The following PAH variants were observed in gnomAD, a reference collection of about 807,000 sequenced individuals.
The protein encoded by PAH is phenylalanine hydroxylase.
In PAH, 64 loss-of-function variants were observed where a neutral mutation model predicts 62.0. That is an observed-to-expected ratio of 1.03 (90% CI 0.84 to 1.27). The LOEUF (loss-of-function observed/expected upper bound fraction) is 1.27. PAH is among the 50% of genes most tolerant of loss of function. PAH has a pLI of 0.00. For missense variants in PAH, 579 were observed against 542.8 expected, an observed-to-expected ratio of 1.07 and a Z score of -0.66; for synonymous variants, 195 against 196.2, an observed-to-expected ratio of 0.99 and a Z score of 0.05.
chr12:102,859,627 G>C (rs1276524503), intron 5 of PAH, among the ~76,000 whole-genome samples: 1 of 152,148 alleles, frequency 6.6e-6, no homozygotes, highest in African/African-American at 2.4e-5. Flanking sequence ...TATCCACCAC[G>C]ATCAAGTGGG....
intron 2 of PAH, among the ~76,000 whole-genome samples, chr12:102,899,641 C>T (rs1445866563): frequency 6.6e-6 from 1 of 151,274 alleles, no homozygotes; most frequent in Non-Finnish European, 1.5e-5. Flanking sequence ...GGGCGGATCA[C>T]GAGGTCAGGA....
chr12:102,856,824 C>T (rs1015978356), intron 5 of PAH, among the ~76,000 whole-genome samples: 3 of 152,154 alleles, frequency 2.0e-5, no homozygotes, highest in African/African-American at 7.2e-5. Flanking sequence ...ACACCAAAAC[C>T]CCATCTGTGT....
chr12:102,884,597 G>A (rs994865343), intron 3 of PAH, among the ~76,000 whole-genome samples: 1 of 152,140 alleles, frequency 6.6e-6, no homozygotes, highest in African/African-American at 2.4e-5. Context: ...CTCCTTCTTT[G>A]GGGTGGGAAG....
chr12:102,912,801 C>T lies in PAH; in HGVS notation c.158G>A (p.Arg53His), dbSNP rs118092776. The T allele has an allele frequency of 1.6e-3, 2,510 of 1,608,812 alleles. 31 individuals are homozygous for T. The East Asian group carries it at 0.031, about 20-fold the overall frequency. ...GATTGTAGCACTGACCTCAAATAAG[C>T]GCAATACTTTGGCCAATGCACCAAC... ...EEVGALAKVLRLFEENDVNLT... is the reference protein window; with the variant it reads ...EEVGALAKVLHLFEENDVNLT... The change falls in exon 2 of 13, where the codon CGC (arginine) becomes CAC (histidine). Residue 53 changes from arginine (R) to histidine (H), a missense_variant. By Grantham distance (29) the Arg-to-His change is conservative. Transcript: ENST00000553106.
rs145724671 is a variant in PAH at position 102,900,987 on chromosome 12, T to G, written c.169-6069A>C. ...CATAAAAGATGGCAGCATAAAACCT[T>G]GCTAATCAGGATTCAAACAGAAGAT... On this transcript the variant is annotated intron_variant, in intron 2 of 12. Coordinates refer to ENST00000553106, the MANE Select transcript of PAH (RefSeq NM_000277.3). Among the ~76,000 whole-genome samples the G allele has an allele frequency of 5.3e-5, 8 of 152,308 alleles. No individual in the cohort carries two copies. The East Asian group carries it at 1.5e-3, about 29-fold the overall frequency.
chr12:102,918,462 T>TAAAA (rs1878468531), upstream of PAH, among the ~76,000 whole-genome samples: 7 of 151,484 alleles, frequency 4.6e-5, no homozygotes, highest in South Asian at 1.5e-3. Flanking sequence ...AATAAACAAA[T>TAAAA]AAATAAATAA....
intron 2 of PAH, among the ~76,000 whole-genome samples, chr12:102,901,272 T>C (rs1043270401): frequency 3.3e-5 from 5 of 152,230 alleles, no homozygotes; most frequent in Admixed American, 3.3e-4. Context: ...ATGTGGGCTA[T>C]CTGGGTTCAA....
chr12:102,847,367 A>G (rs781476707), intron 8 of PAH: 1 of 259,208 alleles, frequency 3.9e-6, no homozygotes, highest in Non-Finnish European at 7.6e-6. Context: ...AAGTGGTGAC[A>G]TCGGTCCAGG....
chr12:102,883,971 T>C (rs1291000320), intron 3 of PAH, among the ~76,000 whole-genome samples: 1 of 152,170 alleles, frequency 6.6e-6, no homozygotes, highest in African/African-American at 2.4e-5. Context: ...GTATGAAGAG[T>C]TCTTAGAATG....
intron 11 of PAH, among the ~76,000 whole-genome samples, chr12:102,842,885 T>A (rs1874651759): frequency 1.3e-5 from 2 of 152,300 alleles, no homozygotes; most frequent in South Asian, 4.1e-4. Context: ...CTGATAAGAT[T>A]TTTTTAAGTG....
intron 3 of PAH, among the ~76,000 whole-genome samples, chr12:102,884,293 G>A (rs1432029074): frequency 6.6e-6 from 1 of 152,218 alleles, no homozygotes; most frequent in African/African-American, 2.4e-5. Flanking sequence ...GGGACTGGGG[G>A]TCGATCCCTG....
At chr12:102,848,621 C>T (rs1874993564) in intron 8 of PAH, among the ~76,000 whole-genome samples, 2 of 149,536 alleles carry the variant, frequency 1.3e-5, no homozygotes, top group African/African-American at 5.0e-5. Context: ...GTAGACAAGA[C>T]ACCAGGACAC....
chr12:102,900,256 A>C (rs1877698558), intron 2 of PAH, among the ~76,000 whole-genome samples: 1 of 151,882 alleles, frequency 6.6e-6, no homozygotes, highest in African/African-American at 2.4e-5. Flanking sequence ...TCACCGTGTT[A>C]ACCAGGATGG....
At chr12:102,908,034 T>C (rs1325538469) in intron 2 of PAH, among the ~76,000 whole-genome samples, 1 of 151,540 alleles carries the variant, frequency 6.6e-6, no homozygotes, top group Non-Finnish European at 1.5e-5. Context: ...AAAAAAAAAA[T>C]CAATACTCAC....
chr12:102,859,592 G>A (rs868399135), intron 5 of PAH, among the ~76,000 whole-genome samples: 116 of 152,244 alleles, frequency 7.6e-4, no homozygotes, highest in South Asian at 2.7e-3. Context: ...CTGGCAAACC[G>A]AATCCAGCAG....
At chr12:102,921,459 A>G (rs1411071114), upstream of PAH, among the ~76,000 whole-genome samples, 1 of 152,134 alleles carries the variant, frequency 6.6e-6, no homozygotes, top group East Asian at 1.9e-4. Context: ...TTGCCTCCCA[A>G]TGTGTCACTG....
intron 3 of PAH, among the ~76,000 whole-genome samples, chr12:102,881,844 AT>A (rs1266440101): frequency 6.6e-6 from 1 of 151,852 alleles, no homozygotes; most frequent in Non-Finnish European, 1.5e-5. Flanking sequence ...AGGGTATCGC[AT>A]TTTCTTCATT....
rs917565928 is a variant in PAH, at chr12:102,957,357, C to T, written c.-96+838G>A. 6.6e-6 allele frequency among the ~76,000 whole-genome samples: 1 copy of T among 152,166 alleles called. No individual in the cohort carries two copies. The highest frequency in any genetic ancestry group is 1.5e-5 in the Non-Finnish European group (1 of 68,018). On this transcript the variant is annotated intron_variant, in intron 1 of 4. Transcript: ENST00000551337. This position sits in a 1 kb window ranked among gnomAD's most constrained non-coding sequence, Gnocchi z 4.1. ...GCCCCCCACCCCCTTCCTAAAGCCA[C>T]CCCCGGCAGCAGCCCGCCCCGAGCG...
In PAH at chr12:102,846,739, T is replaced by C. The variant is rs185820240; in HGVS notation, c.969+156A>G. On this transcript the variant is annotated intron_variant, in intron 9 of 12. Coordinates refer to ENST00000553106, the MANE Select transcript of PAH (RefSeq NM_000277.3). Reference sequence around the variant, plus strand: ...AATCAAATTATTAAGGAGAAATCTATCAAAATGTGAAGTTTCACTTGTGCA... The same window carrying C: ...AATCAAATTATTAAGGAGAAATCTACCAAAATGTGAAGTTTCACTTGTGCA... 5.9e-5 allele frequency among the ~76,000 whole-genome samples: 9 copies of C among 152,352 alleles called. No homozygotes were observed. In the East Asian group the frequency reaches 1.2e-3, roughly 20 times the overall value.
Sources: allele counts gnomAD v4.1 joint callset (sites outside exome capture counted in the v4.1 genomes callset), GRCh38; gene constraint gnomAD v4.1.1; non-coding constraint Gnocchi (gnomAD v3.1); transcripts MANE v1.5; gene names NCBI Gene and HGNC (gene_info 2026-07-23, HGNC 2026-07-21).